DPP6: variants seen among roughly 807,000 people sequenced by gnomAD.
DPP6 encodes the protein A-type potassium channel modulatory protein DPP6.
In DPP6, 69 loss-of-function variants were observed where a neutral mutation model predicts 122.6. The ratio of observed to expected loss-of-function variants is 0.56; its 90% CI spans 0.46 to 0.69. The LOEUF (loss-of-function observed/expected upper bound fraction) is 0.69. DPP6 is among the 30% of genes least tolerant of loss of function. DPP6 has a pLI of 0.00. For synonymous variants in DPP6, 418 were observed against 433.1 expected (o/e 0.97, Z 0.43); for missense variants, 928 against 1,116.9 (o/e 0.83, Z 2.41).
intron 21 of DPP6, 38 bp from the exon 22 acceptor site, chr7:154,885,595 C>A: frequency 6.5e-7 from 1 of 1,550,336 alleles, no homozygotes; most frequent in Non-Finnish European, 8.7e-7. Context: ...GAGTTACTGC[C>A]AGGACTCCTA....
intron 1 of DPP6, among the ~76,000 whole-genome samples, chr7:153,978,515 T>C (rs1486584233): frequency 2.6e-5 from 4 of 152,126 alleles, no homozygotes; most frequent in Non-Finnish European, 5.9e-5. Context: ...AGTTGTTTTT[T>C]GTTTTGCTTT....
At chr7:154,636,168 G>A (rs763926569) in intron 5 of DPP6, among the ~76,000 whole-genome samples, 20 of 152,142 alleles carry the variant, frequency 1.3e-4, no homozygotes, top group East Asian at 5.8e-4. Context: ...ATGAAAAGGC[G>A]GTTTTGGAGG....
intron 16 of DPP6, among the ~76,000 whole-genome samples, chr7:154,841,599 T>C (rs1323964987): frequency 6.6e-6 from 1 of 151,194 alleles, no homozygotes; most frequent in Non-Finnish European, 1.5e-5. Context: ...TCTTCTTTTT[T>C]TTATGATTGG....
At chr7:154,574,380 G>T (rs1367567137) in intron 5 of DPP6, among the ~76,000 whole-genome samples, 7 of 145,350 alleles carry the variant, frequency 4.8e-5, no homozygotes, top group African/African-American at 1.9e-4. Context: ...GTGTGTGTAT[G>T]TGGTGTGTGT....
At chr7:154,557,727 T>C (rs79437336) in intron 4 of DPP6, among the ~76,000 whole-genome samples, 1,642 of 151,770 alleles carry the variant, frequency 0.011, 15 homozygotes, top group Non-Finnish European at 0.016. Flanking sequence ...AACAAATGAA[T>C]GAACCATGCC....
intron 1 of DPP6, among the ~76,000 whole-genome samples, chr7:154,348,091 C>T (rs930915558): frequency 6.6e-6 from 1 of 152,054 alleles, no homozygotes; most frequent in African/African-American, 2.4e-5. Flanking sequence ...AGCTCCCACC[C>T]CCACCTCCTG....
At chr7:154,348,752 T>G (rs946116655) in intron 1 of DPP6, among the ~76,000 whole-genome samples, 2 of 152,180 alleles carry the variant, frequency 1.3e-5, no homozygotes, top group Non-Finnish European at 2.9e-5. Flanking sequence ...AGGACTAATA[T>G]CCTTAATGAT....
At chr7:154,664,051 G>C (rs148671866) in intron 6 of DPP6, among the ~76,000 whole-genome samples, 5,114 of 102,082 alleles carry the variant, frequency 0.05, 846 homozygotes, top group Middle Eastern at 0.083. Flanking sequence ...TGGCATATCG[G>C]CCGTAGTGTT....
rs962427248 is a variant in DPP6 at position 154,799,918 on chromosome 7, G to A, written c.1300-1437G>A. Among the ~76,000 whole-genome samples, 6 of 152,214 alleles carry A rather than the reference G, an allele frequency of 3.9e-5. 1 individual carries two copies. Among genetic ancestry groups the A allele is most frequent in the Admixed American group, 3.9e-4 (6 of 15,288 alleles). On this transcript the variant is annotated intron_variant, in intron 12 of 25. Transcript: ENST00000377770. The stretch of plus-strand genomic sequence containing the variant: ...GACTCAGAGGCTTCACCTGTGTTCC[G>A]AGGAATGTTTCCCTGACAAGGTAGA...
chr7:153,976,416 C>A (rs1796304886), intron 1 of DPP6, among the ~76,000 whole-genome samples: 1 of 152,188 alleles, frequency 6.6e-6, no homozygotes, highest in Non-Finnish European at 1.5e-5. Context: ...CAAGAGCCAA[C>A]CCTGGTTTAA....
At position 154,313,685 on chromosome 7, in the gene DPP6, G is replaced by GTATATATATA. The variant is rs1170662489; in HGVS notation, c.244-132508_244-132499dup. Among the ~76,000 whole-genome samples the GTATATATATA allele has an allele frequency of 9.8e-3, 199 of 20,304 alleles. 5 individuals carry two copies. Among genetic ancestry groups the GTATATATATA allele is most frequent in the African/African-American group, 0.019 (147 of 7,740 alleles). The allele number at this position is 20,304 out of a possible 152,430, so 13.3% of individuals were successfully genotyped here. ...AAGCAACAAGATATTTTAAGATATGGTATATATATATATATATATATATAT... is the reference window on the plus strand; with the variant it reads ...AAGCAACAAGATATTTTAAGATATGGTATATATATATATATATATATATATATATATATAT... On this transcript the variant is annotated intron_variant, in intron 1 of 25. Coordinates refer to ENST00000377770, the MANE Select transcript of DPP6 (RefSeq NM_130797.4).
chr7:154,794,194 T>A lies in DPP6; in HGVS notation c.1252T>A (p.Cys418Ser). The change falls in exon 11 of 26, where the codon TGC becomes AGC. Residue 418 changes from cysteine to serine, a missense_variant. Coordinates refer to ENST00000377770, the MANE Select transcript of DPP6 (RefSeq NM_130797.4). Reference sequence around the variant, plus strand: ...CCTCTGCGACGCCACCACGGGGGTCTGCACGAAGGTACGCGGGGCTGTGGG... The same window carrying A: ...CCTCTGCGACGCCACCACGGGGGTCAGCACGAAGGTACGCGGGGCTGTGGG... ...LTLCDATTGV[C>S]TKKHEDESEA... 1 of 1,608,666 alleles carries A rather than the reference T, an allele frequency of 6.2e-7. No homozygotes were observed. The highest frequency in any genetic ancestry group is 8.5e-7 in the Non-Finnish European group (1 of 1,177,096).
intron 1 of DPP6, among the ~76,000 whole-genome samples, chr7:153,959,621 A>G (rs971509440): frequency 4.6e-5 from 7 of 152,074 alleles, no homozygotes; most frequent in Non-Finnish European, 8.8e-5. Flanking sequence ...CAGCTTCCTC[A>G]TTTTTCTCAG....
In DPP6 at chr7:154,678,422, A is replaced by C. The variant is rs572149873; in HGVS notation, c.762+8981A>C. Among the ~76,000 whole-genome samples the C allele has an allele frequency of 8.5e-5, 13 of 152,282 alleles. No homozygotes were observed. The South Asian group carries it at 1.7e-3, about 19-fold the overall frequency. ...ACCACAAACCCACAGGGAAGAACAA[A>C]CAACTCTGGGCGCGCCACCTTTAAG... is the stretch of plus-strand genomic sequence containing the variant. On this transcript the variant is annotated intron_variant, in intron 7 of 25. Transcript: ENST00000377770.
chr7:153,773,820 A>T, the DPP6 span, among the ~76,000 whole-genome samples: 1 of 150,404 alleles, frequency 6.6e-6, no homozygotes, highest in African/African-American at 2.4e-5. Flanking sequence ...GTTTTACCCA[A>T]GGCAAGCAGA....
chr7:154,425,967 C>T (rs970226556), intron 1 of DPP6, among the ~76,000 whole-genome samples: 1 of 152,110 alleles, frequency 6.6e-6, no homozygotes, highest in African/African-American at 2.4e-5. Context: ...TATTTTTAAG[C>T]ACTGGTTGGC....
chr7:153,936,027 CACGTGA>C (rs551733085), intron 1 of DPP6, among the ~76,000 whole-genome samples: 2,351 of 152,300 alleles, frequency 0.015, 22 homozygotes, highest in Non-Finnish European at 0.024. Flanking sequence ...AATCTAATGT[CACGTGA>C]AGCCCTTAGT....
At chr7:154,239,991 TTAAAAAAAAAAAAAAAAAAAAAAAA>T (rs1325359626) in intron 1 of DPP6, among the ~76,000 whole-genome samples, 2 of 66,214 alleles carry the variant, frequency 3.0e-5, no homozygotes, top group Non-Finnish European at 5.0e-5. Context: ...GATGCTGTCT[TTAAAAAAAAAAAAAAAAAAAAAAAA>T]AAAAAAAAAA....
intron 3 of DPP6, among the ~76,000 whole-genome samples, chr7:154,510,535 T>TA (rs1444041682): frequency 6.6e-6 from 1 of 151,780 alleles, no homozygotes; most frequent in African/African-American, 2.4e-5. Flanking sequence ...CCATCTCTAT[T>TA]AAAAATACAA....
Sources: allele counts gnomAD v4.1 joint callset (sites outside exome capture counted in the v4.1 genomes callset), GRCh38; gene constraint gnomAD v4.1.1; transcripts MANE v1.5; gene names NCBI Gene and HGNC (gene_info 2026-07-23, HGNC 2026-07-21).